The following EBF2 variants were observed in gnomAD, a reference collection of about 807,000 sequenced individuals.
EBF2 encodes EBF transcription factor 2, also known as transcription factor COE2.
EBF2 carries 21 observed loss-of-function variants against 72.8 expected under a neutral mutation model. The ratio of observed to expected loss-of-function variants is 0.29; its 90% confidence interval spans 0.20 to 0.42. The LOEUF (loss-of-function observed/expected upper bound fraction) is 0.42. Ranked by LOEUF, EBF2 falls within the 10% of genes least tolerant of loss-of-function variation. The pLI is 1.00. For synonymous variants in EBF2, 299 were observed against 274.2 expected (o/e 1.09, Z -0.89); for missense variants, 637 against 731.2 (o/e 0.87, Z 1.49).
intron 6 of EBF2, among the ~76,000 whole-genome samples, chr8:25,918,770 C>A (rs1358441967): frequency 6.6e-6 from 1 of 152,162 alleles, no homozygotes; most frequent in Non-Finnish European, 1.5e-5. Context: ...AAAAAAAAAT[C>A]ATATCCAGAG....
At position 25,973,051 on chromosome 8, in the gene EBF2, T is replaced by A. The variant is rs182044517; in HGVS notation, c.551+60034A>T. The stretch of plus-strand genomic sequence containing the variant: ...TCTAGCTGGACTGCACATTTTTGTA[T>A]TCCTTTTTCATTGAGTTTCCAAAGC... On this transcript the variant is annotated intron_variant, in intron 6 of 15. Transcript: ENST00000520164. Among the ~76,000 whole-genome samples the A allele has an allele frequency of 2.6e-3, 394 of 152,116 alleles. 1 individual carries two copies. The highest frequency in any genetic ancestry group is 8.8e-3 in the African/African-American group (366 of 41,498).
intron 6 of EBF2, among the ~76,000 whole-genome samples, chr8:25,979,717 G>A (rs1017712203): frequency 6.6e-5 from 10 of 151,862 alleles, no homozygotes; most frequent in African/African-American, 1.5e-4. Flanking sequence ...CCCTTCTGAC[G>A]TCCTTAGCCA....
Position 25,842,783 on chromosome 8 carries a change from T to G in EBF2, c.*1826A>C, listed in dbSNP as rs1371146504. Reference sequence around the variant, plus strand: ...TAAGACAGTTGGGGCTGGATAGATGTGGGCCTGCATCAATGGGTCAAAGAG... The same window carrying G: ...TAAGACAGTTGGGGCTGGATAGATGGGGGCCTGCATCAATGGGTCAAAGAG... On this transcript the variant is annotated 3_prime_UTR_variant, in exon 16 of 16. Transcript: ENST00000520164. 1 of 152,176 alleles carries G rather than the reference T, an allele frequency of 6.6e-6. No individual in the cohort carries two copies. Among genetic ancestry groups the G allele is most frequent in the Non-Finnish European group, 1.5e-5 (1 of 68,034 alleles). The allele number at this position is 152,176 out of a possible 1,614,324, so 9.4% of individuals were successfully genotyped here. A position where few individuals can be genotyped will look rare whatever the true frequency, so the allele number is the denominator to read the frequency against.
At chr8:25,903,388 AG>A (rs1361315654) in intron 7 of EBF2, among the ~76,000 whole-genome samples, 1 of 151,420 alleles carries the variant, frequency 6.6e-6, no homozygotes, top group Non-Finnish European at 1.5e-5. Flanking sequence ...CGGGTTAGAC[AG>A]GGGAGGAATA....
chr8:25,944,632 TTATA>T lies in EBF2; in HGVS notation c.552-36081_552-36078del, dbSNP rs202025769. 2.3e-3 allele frequency among the ~76,000 whole-genome samples: 345 copies of T among 148,064 alleles called. 6 individuals carry two copies. In the East Asian group the frequency reaches 0.047, roughly 20 times the overall value. On this transcript the variant is annotated intron_variant, in intron 6 of 15. Coordinates refer to ENST00000520164, the MANE Select transcript of EBF2 (RefSeq NM_022659.4). ...TATTGCATATAATCTACAATATACA[TTATA>T]TAATTATATATGATATTAACATATA...
At chr8:26,004,132 T>A (rs1804788441) in intron 6 of EBF2, among the ~76,000 whole-genome samples, 1 of 151,210 alleles carries the variant, frequency 6.6e-6, no homozygotes, top group Non-Finnish European at 1.5e-5. Context: ...AAAAAAAGGA[T>A]TAAAACTACT....
At chr8:25,922,675 G>T (rs1803323745) in intron 6 of EBF2, among the ~76,000 whole-genome samples, 1 of 152,212 alleles carries the variant, frequency 6.6e-6, no homozygotes, top group Non-Finnish European at 1.5e-5. Context: ...GAAACTTTCA[G>T]TGTCACTGGC....
chr8:26,018,635 C>A (rs1328717202), intron 6 of EBF2, among the ~76,000 whole-genome samples: 4 of 151,676 alleles, frequency 2.6e-5, no homozygotes, highest in Non-Finnish European at 5.9e-5. Context: ...TGTGCCACTG[C>A]ACTCCAGCCT....
chr8:25,989,949 G>T (rs986924264), intron 6 of EBF2, among the ~76,000 whole-genome samples: 1 of 152,166 alleles, frequency 6.6e-6, no homozygotes, highest in African/African-American at 2.4e-5. Context: ...GCCTAAAGCT[G>T]CATTAGGATT....
At chr8:25,866,036 A>T (rs1421091621) in intron 10 of EBF2, among the ~76,000 whole-genome samples, 1 of 151,866 alleles carries the variant, frequency 6.6e-6, no homozygotes, top group Non-Finnish European at 1.5e-5. Context: ...AAAAAAAAAA[A>T]ATCTTAACTG....
intron 7 of EBF2, among the ~76,000 whole-genome samples, chr8:25,899,904 C>G (rs1486826826): frequency 6.6e-6 from 1 of 152,216 alleles, no homozygotes; most frequent in African/African-American, 2.4e-5. Flanking sequence ...CTTCCTTTCT[C>G]CATTCCCATC....
intron 6 of EBF2, among the ~76,000 whole-genome samples, chr8:25,962,771 A>T (rs909052751): frequency 6.6e-6 from 1 of 152,240 alleles, no homozygotes; most frequent in African/African-American, 2.4e-5. Flanking sequence ...CAGATGTGAC[A>T]TGGTGTCTTA....
intron 13 of EBF2, among the ~76,000 whole-genome samples, chr8:25,858,895 A>G (rs936820230): frequency 1.3e-5 from 2 of 151,822 alleles, no homozygotes; most frequent in African/African-American, 2.4e-5. Context: ...TCCTGACCCC[A>G]TGATCCACCA....
chr8:25,844,380 A>G lies in EBF2; in HGVS notation c.*229T>C, dbSNP rs1467181176. The G allele has an allele frequency of 1.4e-5, 7 of 516,526 alleles. No homozygotes were observed. Among genetic ancestry groups the G allele is most frequent in the Admixed American group, 3.5e-5 (1 of 28,870 alleles). 32.0% of individuals were successfully genotyped at this position (516,526 alleles called of 1,614,324 possible). A position where few individuals can be genotyped will look rare whatever the true frequency, so the allele number is the denominator to read the frequency against. ...TGCATTTCTGCTCTTAGCACTGACTACGTCAATGACATCTTTTGTCCTTGT... is the reference window on the plus strand; with the variant it reads ...TGCATTTCTGCTCTTAGCACTGACTGCGTCAATGACATCTTTTGTCCTTGT... On this transcript the variant is annotated 3_prime_UTR_variant, in exon 16 of 16. Coordinates refer to ENST00000520164, the MANE Select transcript of EBF2 (RefSeq NM_022659.4).
intron 6 of EBF2, among the ~76,000 whole-genome samples, chr8:25,998,161 T>C (rs912107154): frequency 1.3e-5 from 2 of 152,152 alleles, no homozygotes; most frequent in Admixed American, 6.5e-5. Context: ...TCACCATCCC[T>C]GGGTCGTGGC....
intron 6 of EBF2, among the ~76,000 whole-genome samples, chr8:25,931,501 G>A (rs898319961): frequency 1.3e-5 from 2 of 152,148 alleles, no homozygotes; most frequent in African/African-American, 4.8e-5. Context: ...TGGGCATAGA[G>A]AGAATAATTC....
intron 6 of EBF2, among the ~76,000 whole-genome samples, chr8:25,927,372 T>C (rs1803404123): frequency 6.7e-6 from 1 of 149,956 alleles, no homozygotes; most frequent in African/African-American, 2.4e-5. Context: ...CTATCGTGTA[T>C]GTTATATATA....
rs929778527 is a variant in EBF2 at position 25,842,757 on chromosome 8, A to C, written c.*1852T>G. On this transcript the variant is annotated 3_prime_UTR_variant, in exon 16 of 16. Transcript: ENST00000520164. The stretch of plus-strand genomic sequence containing the variant: ...TAATTCCAGAATGGGTTAAAGGCAA[A>C]TAAGACAGTTGGGGCTGGATAGATG... 1.3e-5 allele frequency: 2 copies of C among 152,244 alleles called. No homozygotes were observed. The highest frequency in any genetic ancestry group is 2.9e-5 in the Non-Finnish European group (2 of 68,046). The allele number at this position is 152,244 out of a possible 1,614,324, so 9.4% of individuals were successfully genotyped here.
chr8:25,872,809 C>T (rs188494065), intron 10 of EBF2, among the ~76,000 whole-genome samples: 15 of 152,278 alleles, frequency 9.9e-5, no homozygotes, highest in Admixed American at 9.8e-4. Flanking sequence ...TTTAACAATA[C>T]CTGCCACGTG....
Sources: gnomAD v4.1 joint callset for allele counts (sites outside exome capture counted in the v4.1 genomes callset) on GRCh38, gnomAD v4.1.1 for gene constraint, MANE v1.5 for transcripts, NCBI Gene and HGNC (gene_info 2026-07-23, HGNC 2026-07-21) for gene names.